Variants in SCGB2B2 observed in about 807,000 individuals in gnomAD.
The protein encoded by SCGB2B2 is secretoglobin-like protein.
Under a neutral mutation model 7.6 loss-of-function variants are expected in SCGB2B2, and 11 were observed. The ratio of observed to expected loss-of-function variants is 1.45; its 90% CI spans 0.91 to 2.40. SCGB2B2 has a LOEUF of 2.40. Among genes scored for constraint, SCGB2B2 ranks in the 30% most tolerant of loss-of-function variants. The pLI is 0.00. For synonymous variants in SCGB2B2, 50 were observed against 48.6 expected (o/e 1.03, Z -0.12); for missense variants, 104 against 115.4 (o/e 0.90, Z 0.45).
intron 1 of SCGB2B2, among the ~76,000 whole-genome samples, chr19:34,654,341 A>C (rs2067232244): frequency 6.6e-6 from 1 of 151,262 alleles, no homozygotes; most frequent in Non-Finnish European, 1.5e-5. Context: ...TCAACTGTTT[A>C]TGTAAAGCTA....
chr19:34,666,464 T>G (rs2067625035), intron 1 of SCGB2B2, among the ~76,000 whole-genome samples: 1 of 152,104 alleles, frequency 6.6e-6, no homozygotes, highest in Non-Finnish European at 1.5e-5. Context: ...CGGGTCCCAG[T>G]GCACATGGAT....
chr19:34,603,817 G>GAT (rs2065701455), intron 1 of SCGB2B2, among the ~76,000 whole-genome samples: 2 of 51,944 alleles, frequency 3.9e-5, no homozygotes, highest in Non-Finnish European at 1.0e-4. Context: ...TTTTTTAACA[G>GAT]ATAACGTCTC....
chr19:34,649,784 C>A (rs2067117178), intron 1 of SCGB2B2, among the ~76,000 whole-genome samples: 1 of 145,600 alleles, frequency 6.9e-6, no homozygotes, highest in African/African-American at 2.8e-5. Flanking sequence ...AACCTAGGAG[C>A]TGAACAGGCA....
chr19:34,608,684 T>TATATATATATATATATATATACAC (rs879668084), intron 1 of SCGB2B2: 1 of 126,622 alleles, frequency 7.9e-6, no homozygotes, highest in South Asian at 3.0e-4. Context: ...TATATATATA[T>TATATATATATATATATATATACAC]ACCGTATTTT....
Position 34,594,314 on chromosome 19 carries a change from AAC to A in SCGB2B2, c.105_106del (p.Phe36Ter), listed in dbSNP as rs1194100806. 6.8e-6 allele frequency: 11 copies of A among 1,614,060 alleles called. No individual in the cohort carries two copies. Among genetic ancestry groups the A allele is most frequent in the African/African-American group, 1.3e-5 (1 of 74,930 alleles). On this transcript the variant is annotated frameshift_variant, in exon 3 of 4. Coordinates refer to ENST00000601241, the MANE Select transcript of SCGB2B2 (RefSeq NM_001025591.4). LOFTEE classifies it high-confidence loss of function. Reference sequence around the variant, plus strand: ...CTTCAGGAGGTCTTGGGACACATCAAACACAACATTCGCAAGCAGTTTATCGA... The same window carrying A: ...CTTCAGGAGGTCTTGGGACACATCAAACAACATTCGCAAGCAGTTTATCGA...
chr19:34,645,078 A>G (rs1281136322), intron 1 of SCGB2B2, among the ~76,000 whole-genome samples: 2 of 152,222 alleles, frequency 1.3e-5, no homozygotes, highest in African/African-American at 4.8e-5. Flanking sequence ...GTCGCTCATG[A>G]ACACAGACAC....
chr19:34,616,440 T>A (rs1285632693), intron 1 of SCGB2B2, among the ~76,000 whole-genome samples: 1 of 119,654 alleles, frequency 8.4e-6, no homozygotes, highest in African/African-American at 2.8e-5. Context: ...TGATGGCCAG[T>A]GATGGTGAGC....
intron 1 of SCGB2B2, among the ~76,000 whole-genome samples, chr19:34,651,360 C>G (rs1303717547): frequency 6.6e-6 from 1 of 150,926 alleles, no homozygotes; most frequent in East Asian, 1.9e-4. Flanking sequence ...TAAAGCACCA[C>G]CAAAAATCTC....
At chr19:34,632,162 CA>C (rs2066552131) in intron 1 of SCGB2B2, 1 of 152,088 alleles carries the variant, frequency 6.6e-6, no homozygotes, top group Non-Finnish European at 1.5e-5. Flanking sequence ...CCTAAAAGTA[CA>C]AAACTTTAAT....
chr19:34,617,944 G>A (rs887986914), intron 1 of SCGB2B2, among the ~76,000 whole-genome samples: 60 of 152,226 alleles, frequency 3.9e-4, no homozygotes, highest in African/African-American at 1.4e-3. Flanking sequence ...GGAACTCCCT[G>A]ACCCCTTGCG....
downstream of SCGB2B2, among the ~76,000 whole-genome samples, chr19:34,589,675 C>T (rs11671693): frequency 0.32 from 49,196 of 151,786 alleles, 9,893 homozygotes; most frequent in Admixed American, 0.47. Context: ...TCATGGTGAC[C>T]CTTTGTGCTG....
chr19:34,652,968 CACGTGAACA>C (rs2067197961), intron 1 of SCGB2B2, among the ~76,000 whole-genome samples: 1 of 151,042 alleles, frequency 6.6e-6, no homozygotes, highest in Admixed American at 6.6e-5. Context: ...TGTCCATGAA[CACGTGAACA>C]GATGAAAAAA....
At chr19:34,613,088 CTT>C (rs1568431746) in intron 1 of SCGB2B2, among the ~76,000 whole-genome samples, 1 of 117,340 alleles carries the variant, frequency 8.5e-6, no homozygotes, top group African/African-American at 3.5e-5. Flanking sequence ...TTTTCCATCT[CTT>C]CATTTTCTTT....
In SCGB2B2 at chr19:34,602,235, C is replaced by T. The variant is rs147418306; in HGVS notation, c.-2031-5641G>A. On this transcript the variant is annotated intron_variant, in intron 1 of 3. Transcript: ENST00000601241. ...TTTTTTCTTAGTTCTGTTAATGTGT[C>T]CAAGTATATCAGATGATTTTTCAAT... 3.1e-3 allele frequency among the ~76,000 whole-genome samples: 469 copies of T among 152,204 alleles called. 1 individual carries two copies. Among genetic ancestry groups the T allele is most frequent in the African/African-American group, 0.011 (449 of 41,532 alleles).
chr19:34,587,787 T>C (rs923867367), downstream of SCGB2B2, among the ~76,000 whole-genome samples: 1 of 152,242 alleles, frequency 6.6e-6, no homozygotes, highest in African/African-American at 2.4e-5. Context: ...ATCGAGATGT[T>C]CATATGGTTC....
intron 1 of SCGB2B2, among the ~76,000 whole-genome samples, chr19:34,599,802 A>C: frequency 4.0e-5 from 6 of 148,748 alleles, no homozygotes; most frequent in African/African-American, 7.5e-5. Flanking sequence ...TTCCTTCTCC[A>C]TTTCTCCCCT....
At chr19:34,612,924 C>CCCTT (rs1220276983) in intron 1 of SCGB2B2, among the ~76,000 whole-genome samples, 4 of 152,088 alleles carry the variant, frequency 2.6e-5, no homozygotes, top group Non-Finnish European at 2.9e-5. Context: ...ATCACTTGAG[C>CCCTT]CCTTATTAAT....
intron 1 of SCGB2B2, among the ~76,000 whole-genome samples, chr19:34,636,706 CA>C (rs2066689994): frequency 6.6e-6 from 1 of 152,132 alleles, no homozygotes; most frequent in Non-Finnish European, 1.5e-5. Context: ...GTCAAGAATG[CA>C]AAACATAGAA....
chr19:34,644,740 A>G (rs1000501502), intron 1 of SCGB2B2, among the ~76,000 whole-genome samples: 1 of 152,220 alleles, frequency 6.6e-6, no homozygotes, highest in Non-Finnish European at 1.5e-5. Flanking sequence ...GCCAAATTAT[A>G]TTAATATATC....
Sources: gnomAD v4.1 joint callset for allele counts (sites outside exome capture counted in the v4.1 genomes callset) on GRCh38, gnomAD v4.1.1 for gene constraint, MANE v1.5 for transcripts, NCBI Gene and HGNC (gene_info 2026-07-23, HGNC 2026-07-21) for gene names.